Variants in DIS3L2 observed in about 807,000 individuals in gnomAD.
The protein encoded by DIS3L2 is DIS3-like exonuclease 2.
In DIS3L2, 34 loss-of-function variants were observed where a neutral mutation model predicts 97.5. The ratio of observed to expected loss-of-function variants is 0.35; its 90% CI spans 0.27 to 0.46. The LOEUF (loss-of-function observed/expected upper bound fraction) is 0.46, where lower values mean the gene tolerates loss of function less well. Among genes scored for constraint, DIS3L2 ranks in the 20% least tolerant of loss-of-function variants. DIS3L2 has a pLI of 1.00. For synonymous variants in DIS3L2, 435 were observed against 445.2 expected (o/e 0.98, Z 0.29); for missense variants, 1,038 against 1,146.0 (o/e 0.91, Z 1.36).
intron 9 of DIS3L2, among the ~76,000 whole-genome samples, chr2:232,190,489 C>T (rs1382475609): frequency 2.6e-5 from 4 of 151,372 alleles, no homozygotes; most frequent in Non-Finnish European, 4.4e-5. Flanking sequence ...AGAACATGAA[C>T]GACACAATTT....
intron 1 of DIS3L2, among the ~76,000 whole-genome samples, chr2:231,987,746 C>G (rs1333557112): frequency 2.6e-5 from 4 of 152,102 alleles, no homozygotes; most frequent in Non-Finnish European, 5.9e-5. Flanking sequence ...GTTTTGACTT[C>G]TTTTTTTGAA....
downstream of DIS3L2, among the ~76,000 whole-genome samples, chr2:232,339,200 G>A (rs1696055349): frequency 6.6e-6 from 1 of 152,248 alleles, no homozygotes; most frequent in Non-Finnish European, 1.5e-5. Flanking sequence ...GAAAGAACTG[G>A]AATTACACAG....
chr2:231,993,411 G>A (rs1254543362), intron 1 of DIS3L2, among the ~76,000 whole-genome samples: 2 of 151,926 alleles, frequency 1.3e-5, no homozygotes, highest in Non-Finnish European at 2.9e-5. Flanking sequence ...ACAGGGTTTC[G>A]CCATGTTGGC....
intron 13 of DIS3L2, among the ~76,000 whole-genome samples, chr2:232,289,917 A>G (rs1304552637): frequency 6.6e-6 from 1 of 152,230 alleles, no homozygotes; most frequent in African/African-American, 2.4e-5. Context: ...TAGGTAACAG[A>G]ATTAGTATAT....
chr2:232,295,451 G>C (rs750327128), intron 13 of DIS3L2, among the ~76,000 whole-genome samples: 14 of 152,152 alleles, frequency 9.2e-5, no homozygotes, highest in Non-Finnish European at 1.9e-4. Flanking sequence ...TTCCACTTTT[G>C]TGTTGGATCC....
intron 1 of DIS3L2, among the ~76,000 whole-genome samples, chr2:231,982,857 T>A (rs1257384284): frequency 6.6e-6 from 1 of 152,042 alleles, no homozygotes; most frequent in Non-Finnish European, 1.5e-5. Flanking sequence ...TTTTTGTATT[T>A]TTAGTAGAGA....
rs1420391913 is a variant in DIS3L2 at position 232,066,064 on chromosome 2, C to G, written c.367-21423C>G. Among the ~76,000 whole-genome samples, 119 of 151,708 alleles carry G rather than the reference C, an allele frequency of 7.8e-4. 1 individual carries two copies. Among genetic ancestry groups the G allele is most frequent in the Non-Finnish European group, 5.9e-5 (4 of 67,742 alleles). On this transcript the variant is annotated intron_variant, in intron 5 of 20. Transcript: ENST00000325385. ...TAGTTTTAGTACATCTTTAAAGATT[C>G]TGTAGGATTTTCTGCATATATATTG... is the stretch of plus-strand genomic sequence containing the variant.
Position 232,040,768 on chromosome 2 carries a change from G to A in DIS3L2, c.366+10688G>A, listed in dbSNP as rs150749240. Among the ~76,000 whole-genome samples, 1,354 of 152,168 alleles carry A rather than the reference G, an allele frequency of 8.9e-3. 14 individuals are homozygous for A. Among genetic ancestry groups the A allele is most frequent in the Middle Eastern group, 0.017 (5 of 294 alleles). ...CCAATTTTGTGAATGAGAAAACTGG[G>A]GCTCGGTTTAAGCCTCTTATTTAGG... On this transcript the variant is annotated intron_variant, in intron 5 of 20. Transcript: ENST00000325385.
intron 11 of DIS3L2, among the ~76,000 whole-genome samples, chr2:232,243,349 G>A (rs1217442809): frequency 1.3e-5 from 2 of 152,162 alleles, no homozygotes; most frequent in East Asian, 3.8e-4. Context: ...GAAGCCTGGA[G>A]TGGTAGGCGA....
intron 14 of DIS3L2, among the ~76,000 whole-genome samples, chr2:232,320,645 C>T (rs1385878270): frequency 6.6e-6 from 1 of 152,220 alleles, no homozygotes; most frequent in Non-Finnish European, 1.5e-5. Flanking sequence ...AACTGCCACT[C>T]CTAGTCCTTT....
At chr2:232,316,810 A>C (rs928716735) in intron 14 of DIS3L2, among the ~76,000 whole-genome samples, 1 of 152,254 alleles carries the variant, frequency 6.6e-6, no homozygotes, top group African/African-American at 2.4e-5. Flanking sequence ...AGTTTAATCT[A>C]AATCTGTTTC....
chr2:231,981,056 GTC>G (rs1693241005), intron 1 of DIS3L2, among the ~76,000 whole-genome samples: 1 of 152,010 alleles, frequency 6.6e-6, no homozygotes, highest in Non-Finnish European at 1.5e-5. Context: ...TGATTCTTAT[GTC>G]TCAGCCTCCT....
At chr2:232,312,826 A>G (rs1372070368) in intron 14 of DIS3L2, among the ~76,000 whole-genome samples, 2 of 152,236 alleles carry the variant, frequency 1.3e-5, no homozygotes, top group Non-Finnish European at 1.5e-5. Flanking sequence ...ACTCCTAGGT[A>G]TTTGATTTGT....
intron 9 of DIS3L2, among the ~76,000 whole-genome samples, chr2:232,194,443 C>A (rs1279073394): frequency 6.6e-6 from 1 of 151,988 alleles, no homozygotes; most frequent in Non-Finnish European, 1.5e-5. Flanking sequence ...TACCAAGGTC[C>A]CATGTTAATG....
chr2:232,141,504 A>G (rs1467674474), intron 8 of DIS3L2, among the ~76,000 whole-genome samples: 3 of 152,104 alleles, frequency 2.0e-5, no homozygotes, highest in Non-Finnish European at 4.4e-5. Context: ...TGAATAGGTC[A>G]TTACAGGCTG....
rs182584183 is a variant in DIS3L2, at chr2:232,200,690, T to C, written c.1125-9636T>C. On this transcript the variant is annotated intron_variant, in intron 9 of 20. Transcript: ENST00000325385. ...TAGCCAGCAAATGTAGGAGATATTA[T>C]AGGATTAGCAAACATTTTATAATTT... Among the ~76,000 whole-genome samples the C allele has an allele frequency of 2.1e-3, 319 of 151,686 alleles. 2 individuals are homozygous for C. Among genetic ancestry groups the C allele is most frequent in the African/African-American group, 7.3e-3 (302 of 41,382 alleles).
chr2:232,188,589 TGG>T (rs1334230252), intron 9 of DIS3L2, among the ~76,000 whole-genome samples: 1 of 152,214 alleles, frequency 6.6e-6, no homozygotes, highest in Non-Finnish European at 1.5e-5. Context: ...AAATGGGTCA[TGG>T]GCTTAAGTAT....
At chr2:232,011,774 TGAG>T (rs1365984318) in intron 1 of DIS3L2, among the ~76,000 whole-genome samples, 1 of 152,158 alleles carries the variant, frequency 6.6e-6, no homozygotes, top group Non-Finnish European at 1.5e-5. Flanking sequence ...CTCAGCCTCC[TGAG>T]TAGTTGGGAT....
chr2:231,992,616 A>G (rs1284368238), intron 1 of DIS3L2, among the ~76,000 whole-genome samples: 1 of 151,572 alleles, frequency 6.6e-6, no homozygotes, highest in African/African-American at 2.4e-5. Context: ...TTTTTGTGTT[A>G]TCCCCATTGC....
Sources: gnomAD v4.1 joint callset for allele counts (sites outside exome capture counted in the v4.1 genomes callset) on GRCh38, gnomAD v4.1.1 for gene constraint, MANE v1.5 for transcripts, NCBI Gene and HGNC (gene_info 2026-07-23, HGNC 2026-07-21) for gene names.